DENND1B: variants seen among roughly 807,000 people sequenced by gnomAD.
DENND1B encodes DENN domain containing 1B, also known as DENN domain-containing protein 1B.
In DENND1B, 59 loss-of-function variants were observed where a neutral mutation model predicts 90.1. The observed-to-expected ratio is 0.65, with a 90% CI of 0.53 to 0.81. DENND1B has a LOEUF of 0.81. DENND1B is among the 40% of genes least tolerant of loss of function. The pLI is 0.00. For missense variants in DENND1B, 862 were observed against 912.6 expected, an observed-to-expected ratio of 0.94 and a Z score of 0.71; for synonymous variants, 337 against 324.6, an observed-to-expected ratio of 1.04 and a Z score of -0.41.
chr1:197,544,136 T>C (rs531100277), intron 18 of DENND1B, among the ~76,000 whole-genome samples: 2 of 152,340 alleles, frequency 1.3e-5, no homozygotes, highest in East Asian at 3.9e-4. Context: ...CAGAAGGTCC[T>C]ACAGATACAA....
intron 2 of DENND1B, among the ~76,000 whole-genome samples, chr1:197,767,229 A>C (rs986327691): frequency 2.6e-5 from 4 of 152,112 alleles, no homozygotes; most frequent in Non-Finnish European, 4.4e-5. Flanking sequence ...ATTTAGACAC[A>C]TCAGTATTTC....
chr1:197,577,092 A>C (rs549865167), intron 15 of DENND1B, among the ~76,000 whole-genome samples: 1 of 152,306 alleles, frequency 6.6e-6, no homozygotes, highest in African/African-American at 2.4e-5. Context: ...ACAGAAAAAA[A>C]GGAGTACAGA....
intron 15 of DENND1B, among the ~76,000 whole-genome samples, chr1:197,559,445 A>T (rs574900413): frequency 1.3e-5 from 2 of 151,782 alleles, no homozygotes; most frequent in South Asian, 4.2e-4. Context: ...TGCTGAAGCA[A>T]CACAATAAAC....
At position 197,746,634 on chromosome 1, in the gene DENND1B, A is replaced by C. The variant is rs944794103; in HGVS notation, c.82+26234T>G. On this transcript the variant is annotated intron_variant, in intron 2 of 22. Coordinates refer to ENST00000620048, the MANE Select transcript of DENND1B (RefSeq NM_001195215.2). ...GCTGATAATCAAACTCCCAAATTTT[A>C]TGCTTATTTTTGTTCTAGTGCTATC... The C allele has an allele frequency of 5.6e-5, 35 of 629,890 alleles. No homozygotes were observed. The African/African-American group carries it at 5.9e-4, about 11-fold the overall frequency. The allele number at this position is 629,890 out of a possible 1,614,324, so 39.0% of individuals were successfully genotyped here.
At chr1:197,518,246 T>C (rs965370732) in intron 20 of DENND1B, among the ~76,000 whole-genome samples, 1 of 151,958 alleles carries the variant, frequency 6.6e-6, no homozygotes, top group African/African-American at 2.4e-5. Context: ...TCAAGTTTTG[T>C]AGTGCTCTGC....
intron 7 of DENND1B, among the ~76,000 whole-genome samples, chr1:197,649,029 G>A (rs1253616093): frequency 6.6e-6 from 1 of 152,016 alleles, no homozygotes; most frequent in Non-Finnish European, 1.5e-5. Flanking sequence ...AGGGTCACAG[G>A]AAAGAAAAAA....
intron 2 of DENND1B, among the ~76,000 whole-genome samples, chr1:197,771,208 C>T (rs529632345): frequency 2.6e-5 from 4 of 152,134 alleles, no homozygotes; most frequent in Admixed American, 6.5e-5. Context: ...CACCGTGCCA[C>T]GCCTTTACAA....
intron 2 of DENND1B, among the ~76,000 whole-genome samples, chr1:197,750,846 A>G (rs1018277006): frequency 1.3e-5 from 2 of 152,212 alleles, no homozygotes; most frequent in African/African-American, 4.8e-5. Flanking sequence ...ACAGAGAGAC[A>G]GAGAGAAATT....
chr1:197,631,013 A>G (rs1377889236), intron 10 of DENND1B, among the ~76,000 whole-genome samples: 1 of 152,106 alleles, frequency 6.6e-6, no homozygotes, highest in East Asian at 1.9e-4. Flanking sequence ...CCTCACCTAC[A>G]TGACATTTCC....
the DENND1B span, among the ~76,000 whole-genome samples, chr1:197,781,656 T>C: frequency 3.9e-5 from 6 of 152,170 alleles, no homozygotes; most frequent in Non-Finnish European, 7.4e-5. Flanking sequence ...GGGATCAATA[T>C]CTTCCCTGAA....
chr1:197,735,776 G>A (rs757203570), intron 2 of DENND1B: 4 of 1,611,360 alleles, frequency 2.5e-6, no homozygotes, highest in Middle Eastern at 1.6e-4. Flanking sequence ...GGAATCCTCG[G>A]CAGATAAGCT....
intron 3 of DENND1B, among the ~76,000 whole-genome samples, chr1:197,705,822 C>A (rs780315986): frequency 6.6e-6 from 1 of 151,808 alleles, no homozygotes; most frequent in Non-Finnish European, 1.5e-5. Context: ...ACTTCTTATT[C>A]CCAAGTCATG....
At chr1:197,574,811 T>C (rs1400741509) in intron 15 of DENND1B, among the ~76,000 whole-genome samples, 5 of 152,126 alleles carry the variant, frequency 3.3e-5, no homozygotes, top group African/African-American at 1.2e-4. Flanking sequence ...ATCTGATCTT[T>C]GACAAATCTG....
chr1:197,777,688 T>C (rs1456036598), upstream of DENND1B, among the ~76,000 whole-genome samples: 2 of 152,194 alleles, frequency 1.3e-5, no homozygotes, highest in East Asian at 3.8e-4. Flanking sequence ...TCAGCAATGA[T>C]ATTTCCTACT....
intron 11 of DENND1B, among the ~76,000 whole-genome samples, chr1:197,616,668 A>G (rs1677677526): frequency 6.6e-6 from 1 of 151,190 alleles, no homozygotes; most frequent in Admixed American, 6.6e-5. Context: ...CCCTCTGTGT[A>G]TGAACTTAAA....
At chr1:197,744,576 T>C (rs1295880582) in intron 2 of DENND1B, among the ~76,000 whole-genome samples, 1 of 152,324 alleles carries the variant, frequency 6.6e-6, no homozygotes, top group East Asian at 1.9e-4. Context: ...AGATGTGCTG[T>C]CATTCAGGCT....
At chr1:197,674,193 A>G in intron 3 of DENND1B, 24 bp from the exon 4 acceptor site, 1 of 1,543,278 alleles carries the variant, frequency 6.5e-7, no homozygotes, top group Non-Finnish European at 8.8e-7. Context: ...TTTCAAAAAA[A>G]AGAAATAAGT....
In DENND1B at chr1:197,775,171, T is replaced by C. The variant is rs1657157329; in HGVS notation, c.-16A>G. 3 of 1,286,966 alleles carry C rather than the reference T, an allele frequency of 2.3e-6. No homozygotes were observed. The highest frequency in any genetic ancestry group is 3.1e-5 in the African/African-American group (2 of 64,270). The allele number at this position is 1,286,966 out of a possible 1,614,324, so 79.7% of individuals were successfully genotyped here. On this transcript the variant is annotated 5_prime_UTR_variant, in exon 1 of 23. Coordinates refer to ENST00000620048, the MANE Select transcript of DENND1B (RefSeq NM_001195215.2). ...TGCAGTCCATGGTTACATGTCGGTG[T>C]GGGGCTGTCCGTCCGGCCCCCGCGC...
At chr1:197,534,241 T>G (rs1441957961) in intron 20 of DENND1B, among the ~76,000 whole-genome samples, 1 of 152,210 alleles carries the variant, frequency 6.6e-6, no homozygotes, top group African/African-American at 2.4e-5. Flanking sequence ...GAGTGTATAT[T>G]ATTTCCACTT....
Sources: allele counts gnomAD v4.1 joint callset (sites outside exome capture counted in the v4.1 genomes callset), GRCh38; gene constraint gnomAD v4.1.1; transcripts MANE v1.5; gene names NCBI Gene and HGNC (gene_info 2026-07-23, HGNC 2026-07-21).